NSUN3: variants seen among roughly 807,000 people sequenced by gnomAD.
NSUN3 encodes NOP2/Sun RNA methyltransferase 3.
Under a neutral mutation model 36.8 loss-of-function variants are expected in NSUN3, and 24 were observed. The ratio of observed to expected loss-of-function variants is 0.65; its 90% CI spans 0.47 to 0.92. The LOEUF is 0.92. NSUN3 is among the 40% of genes least tolerant of loss of function. The pLI is 0.00. For missense variants in NSUN3, 381 were observed against 392.8 expected, an observed-to-expected ratio of 0.97 and a Z score of 0.25; for synonymous variants, 146 against 145.2, an observed-to-expected ratio of 1.01 and a Z score of -0.04.
chr3:94,095,576 G>A (rs1326141526), intron 5 of NSUN3, among the ~76,000 whole-genome samples: 3 of 152,084 alleles, frequency 2.0e-5, no homozygotes, highest in African/African-American at 4.8e-5. Context: ...GGTTGTTAGC[G>A]CTTATCTCCC....
At chr3:94,077,277 C>A in intron 2 of NSUN3, 1 of 540,864 alleles carries the variant, frequency 1.8e-6, no homozygotes, top group Non-Finnish European at 3.4e-6. Context: ...GTCTTGCATC[C>A]CAGGTATGAA....
At chr3:94,102,049 C>T (rs2077367956) in intron 5 of NSUN3, among the ~76,000 whole-genome samples, 1 of 151,898 alleles carries the variant, frequency 6.6e-6, no homozygotes, top group Admixed American at 6.6e-5. Flanking sequence ...TTTCTTTTCT[C>T]ACTACTTGAC....
chr3:94,112,317 G>C (rs901865433), intron 5 of NSUN3, among the ~76,000 whole-genome samples: 1 of 152,192 alleles, frequency 6.6e-6, no homozygotes, highest in Non-Finnish European at 1.5e-5. Context: ...TTTCTAACCT[G>C]TAGTGTTTGT....
chr3:94,075,069 T>C (rs2077240838), intron 2 of NSUN3, among the ~76,000 whole-genome samples: 1 of 152,162 alleles, frequency 6.6e-6, no homozygotes, highest in Non-Finnish European at 1.5e-5. Flanking sequence ...AATCATGTGG[T>C]TTTTGTCATT....
At chr3:94,072,902 C>T (rs2077229927) in intron 2 of NSUN3, among the ~76,000 whole-genome samples, 1 of 151,946 alleles carries the variant, frequency 6.6e-6, no homozygotes, top group Admixed American at 6.6e-5. Context: ...TTGCTGCACC[C>T]ATCAACCCAT....
intron 2 of NSUN3, chr3:94,075,994 A>T: frequency 1.2e-6 from 2 of 1,600,820 alleles, no homozygotes; most frequent in Non-Finnish European, 1.7e-6. Flanking sequence ...CTTGCATGAT[A>T]TTGTCTTCTG....
intron 5 of NSUN3, among the ~76,000 whole-genome samples, chr3:94,099,021 A>G (rs2077354376): frequency 6.6e-6 from 1 of 152,162 alleles, no homozygotes; most frequent in African/African-American, 2.4e-5. Context: ...GGCATGTAGA[A>G]AAGACTAAGT....
At chr3:94,092,720 A>T (rs2077320584) in intron 3 of NSUN3, among the ~76,000 whole-genome samples, 1 of 152,016 alleles carries the variant, frequency 6.6e-6, no homozygotes, top group African/African-American at 2.4e-5. Context: ...CCTGGCCAAC[A>T]TGGCGAAACC....
Position 94,129,406 on chromosome 3 carries a change from CTAAA to C in NSUN3, c.*2919_*2922del, listed in dbSNP as rs1247218561. Among the ~76,000 whole-genome samples, 1 of 152,098 alleles carries C rather than the reference CTAAA, an allele frequency of 6.6e-6. No individual in the cohort carries two copies. The highest frequency in any genetic ancestry group is 1.5e-5 in the Non-Finnish European group (1 of 68,018). ...CCTAAGCAAATTCAGGAACAGAAAA[CTAAA>C]TACATATTCTCACTTACAAATGGGA... is the stretch of plus-strand genomic sequence containing the variant. On this transcript the variant is annotated 3_prime_UTR_variant, in exon 6 of 6. Coordinates refer to ENST00000314622, the MANE Select transcript of NSUN3 (RefSeq NM_022072.5).
chr3:94,091,383 G>T (rs1402003265), intron 3 of NSUN3, among the ~76,000 whole-genome samples: 1 of 152,096 alleles, frequency 6.6e-6, no homozygotes, highest in East Asian at 1.9e-4. Flanking sequence ...CAACAATTCT[G>T]AAGGATATGC....
At chr3:94,106,477 G>A (rs1193960745) in intron 5 of NSUN3, among the ~76,000 whole-genome samples, 1 of 152,084 alleles carries the variant, frequency 6.6e-6, no homozygotes. Context: ...CTACCCTCAG[G>A]CTTGTAAAAT....
chr3:94,110,626 T>C (rs1319026982), intron 5 of NSUN3, among the ~76,000 whole-genome samples: 1 of 152,074 alleles, frequency 6.6e-6, no homozygotes, highest in Non-Finnish European at 1.5e-5. Flanking sequence ...ATAGTCTCTC[T>C]TCCACGATAT....
At chr3:94,067,267 A>G (rs1297629311) in intron 2 of NSUN3, among the ~76,000 whole-genome samples, 4 of 152,224 alleles carry the variant, frequency 2.6e-5, no homozygotes, top group African/African-American at 9.6e-5. Flanking sequence ...TCCGTTGGAG[A>G]GGACAGCTGG....
chr3:94,089,201 A>G (rs2077304957), intron 3 of NSUN3, among the ~76,000 whole-genome samples: 1 of 152,070 alleles, frequency 6.6e-6, no homozygotes, highest in Non-Finnish European at 1.5e-5. Context: ...TTTTTTTTAC[A>G]GGTAATCAGG....
At chr3:94,118,296 A>G (rs1452784708) in intron 5 of NSUN3, among the ~76,000 whole-genome samples, 1 of 152,220 alleles carries the variant, frequency 6.6e-6, no homozygotes, top group East Asian at 1.9e-4. Context: ...ATTAAAGAAT[A>G]TGTAAAACCC....
rs544187371 is a variant in NSUN3 at position 94,092,781 on chromosome 3, G to C, written c.467-1359G>C. 2.6e-5 allele frequency among the ~76,000 whole-genome samples: 4 copies of C among 151,642 alleles called. No homozygotes were observed. In the South Asian group the frequency reaches 8.3e-4, roughly 32 times the overall value. On this transcript the variant is annotated intron_variant, in intron 3 of 5. Transcript: ENST00000314622. ...TTAAAAATACAAAAATTAGCCAGAC[G>C]TGGTGACGCACACCTGTAATCCCAC... is the stretch of plus-strand genomic sequence containing the variant.
chr3:94,063,300 C>A (rs1257509262), intron 1 of NSUN3, 162 bp downstream of exon 1: 1 of 759,484 alleles, frequency 1.3e-6, no homozygotes. Context: ...TGAAATAATG[C>A]TGAGTGCTGT....
In NSUN3 at chr3:94,125,654, T is replaced by C. The variant is rs151041612; in HGVS notation, c.744-557T>C. Among the ~76,000 whole-genome samples, 20 of 152,374 alleles carry C rather than the reference T, an allele frequency of 1.3e-4. No homozygotes were observed. The East Asian group carries it at 3.7e-3, about 28-fold the overall frequency. On this transcript the variant is annotated intron_variant, in intron 5 of 5. Coordinates refer to ENST00000314622, the MANE Select transcript of NSUN3 (RefSeq NM_022072.5). The stretch of plus-strand genomic sequence containing the variant: ...CTCATTATTCTGTTCTCTACCCCTA[T>C]TTTCCTACTTTTTGAATAGCAATCA...
chr3:94,094,031 TC>T, intron 3 of NSUN3, 108 bp from the exon 4 acceptor site: 3 of 766,360 alleles, frequency 3.9e-6, no homozygotes, highest in Non-Finnish European at 6.2e-6. Context: ...GAGCCCTATT[TC>T]TGCATAATTA....
Sources: allele counts gnomAD v4.1 joint callset (sites outside exome capture counted in the v4.1 genomes callset), GRCh38; gene constraint gnomAD v4.1.1; transcripts MANE v1.5; gene names NCBI Gene and HGNC (gene_info 2026-07-23, HGNC 2026-07-21).